HSD17B3: variants seen among roughly 807,000 people sequenced by gnomAD.
HSD17B3 encodes 17-beta-hydroxysteroid dehydrogenase type 3.
In HSD17B3, 29 loss-of-function variants were observed where a neutral mutation model predicts 41.1. The observed-to-expected ratio is 0.71, with a 90% confidence interval of 0.53 to 0.96. HSD17B3 has a LOEUF of 0.96. HSD17B3 is among the 40% of genes least tolerant of loss of function. HSD17B3 has a pLI of 0.00. For synonymous variants in HSD17B3, 126 were observed against 145.6 expected, an observed-to-expected ratio of 0.87 and a Z score of 0.97; for missense variants, 323 against 374.6, an observed-to-expected ratio of 0.86 and a Z score of 1.14.
intron 4 of HSD17B3, among the ~76,000 whole-genome samples, chr9:96,252,556 A>G (rs1475657827): frequency 6.6e-6 from 1 of 151,898 alleles, no homozygotes; most frequent in East Asian, 1.9e-4. Context: ...AAAAAAAAAA[A>G]AAGAAAAGAA....
chr9:96,259,554 C>T (rs1305159504), intron 2 of HSD17B3, among the ~76,000 whole-genome samples: 1 of 152,102 alleles, frequency 6.6e-6, no homozygotes, highest in African/African-American at 2.4e-5. Context: ...AAGCCTGTCT[C>T]TACTAAAAAT....
intron 2 of HSD17B3, among the ~76,000 whole-genome samples, chr9:96,268,513 C>A (rs1292662360): frequency 6.6e-6 from 1 of 152,056 alleles, no homozygotes; most frequent in Non-Finnish European, 1.5e-5. Context: ...AGTGGTCCCA[C>A]AAAGAACACT....
intron 5 of HSD17B3, chr9:96,251,199 G>A (rs1035690071): frequency 5.1e-6 from 3 of 593,742 alleles, no homozygotes; most frequent in Non-Finnish European, 9.0e-6. Flanking sequence ...TGCAGAGAAG[G>A]AGGAAGATGT....
intron 2 of HSD17B3, among the ~76,000 whole-genome samples, chr9:96,265,566 G>C (rs1587746929): frequency 6.6e-6 from 1 of 152,140 alleles, no homozygotes; most frequent in East Asian, 1.9e-4. Context: ...AATATCAAAA[G>C]AAGTTTTAAG....
intron 2 of HSD17B3, among the ~76,000 whole-genome samples, chr9:96,273,745 T>C (rs1418655890): frequency 6.6e-6 from 1 of 152,176 alleles, no homozygotes; most frequent in Non-Finnish European, 1.5e-5. Flanking sequence ...GCATCCGCCT[T>C]CACTACCAAG....
chr9:96,257,329 T>G (rs959366610), intron 2 of HSD17B3, among the ~76,000 whole-genome samples: 1 of 152,172 alleles, frequency 6.6e-6, no homozygotes, highest in Middle Eastern at 3.2e-3. Context: ...ACATCCTCAT[T>G]GTAGAAGATT....
chr9:96,273,017 T>C (rs1219728775), intron 2 of HSD17B3, among the ~76,000 whole-genome samples: 1 of 152,158 alleles, frequency 6.6e-6, no homozygotes, highest in Non-Finnish European at 1.5e-5. Context: ...GTGACAAAAT[T>C]ATAGCAATAG....
At chr9:96,240,721 C>A in intron 10 of HSD17B3, 37 bp downstream of exon 10, 1 of 1,612,614 alleles carries the variant, frequency 6.2e-7, no homozygotes, top group Non-Finnish European at 8.5e-7. Flanking sequence ...CGTGTCCTCC[C>A]TCCCTGGCTT....
intron 2 of HSD17B3, among the ~76,000 whole-genome samples, chr9:96,267,900 C>T (rs1826098370): frequency 6.6e-6 from 1 of 151,848 alleles, no homozygotes; most frequent in Non-Finnish European, 1.5e-5. Flanking sequence ...CACAGCCTTC[C>T]CCCTCCATAT....
intron 10 of HSD17B3, among the ~76,000 whole-genome samples, chr9:96,240,118 T>A (rs768267801): frequency 5.3e-5 from 8 of 152,090 alleles, no homozygotes; most frequent in South Asian, 2.1e-4. Context: ...AAATACCTAG[T>A]GCAAGCAGGG....
intron 6 of HSD17B3, 82 bp downstream of exon 6, chr9:96,249,669 G>T: frequency 8.0e-7 from 1 of 1,247,104 alleles, no homozygotes; most frequent in Non-Finnish European, 1.2e-6. Flanking sequence ...TGCTTCTACA[G>T]TGGATGGGCA....
chr9:96,285,775 G>A (rs1373158267), intron 2 of HSD17B3, among the ~76,000 whole-genome samples: 1 of 152,120 alleles, frequency 6.6e-6, no homozygotes, highest in Non-Finnish European at 1.5e-5. Flanking sequence ...GACCCTAATA[G>A]TTAAGCAGGA....
chr9:96,244,369 G>A lies in HSD17B3; in HGVS notation c.632C>T (p.Ala211Val). The A allele has an allele frequency of 6.2e-7, 1 of 1,614,110 alleles. No homozygotes were observed. The highest frequency in any genetic ancestry group is 8.5e-7 in the Non-Finnish European group (1 of 1,180,026). Residue 211 changes from alanine to valine, a missense_variant, in exon 9 of 11, where the codon GCC becomes GTC. Transcript: ENST00000375263. Reference protein sequence around the residue: ...SKAFVCAFSKALQEEYKAKEV... With the variant: ...SKAFVCAFSKVLQEEYKAKEV... ...TTTTGCTTTATATTCCTCTTGCAGG[G>A]CCTTGGAAAATGCGCACACAAACGC...
chr9:96,298,027 T>C (rs750220332), intron 2 of HSD17B3, among the ~76,000 whole-genome samples: 1 of 152,206 alleles, frequency 6.6e-6, no homozygotes, highest in Non-Finnish European at 1.5e-5. Flanking sequence ...TGATAATATG[T>C]TTTGCCTAAG....
intron 2 of HSD17B3, among the ~76,000 whole-genome samples, chr9:96,289,520 G>A (rs1235766946): frequency 6.6e-6 from 1 of 152,074 alleles, no homozygotes. Flanking sequence ...TCAACAGGAT[G>A]GCTAAAGAAT....
intron 4 of HSD17B3, 106 bp from the exon 5 acceptor site, chr9:96,251,591 T>C (rs2130728033): frequency 9.6e-7 from 1 of 1,043,438 alleles, no homozygotes; most frequent in African/African-American, 1.6e-5. Context: ...CATCGCAGCA[T>C]GATTTGGTAA....
chr9:96,292,001 A>G (rs1297527966), intron 2 of HSD17B3, among the ~76,000 whole-genome samples: 1 of 152,144 alleles, frequency 6.6e-6, no homozygotes, highest in Non-Finnish European at 1.5e-5. Flanking sequence ...TAAACACACA[A>G]AACAAATGGC....
At chr9:96,236,322 G>C (rs1223520408) in intron 10 of HSD17B3, among the ~76,000 whole-genome samples, 1 of 151,462 alleles carries the variant, frequency 6.6e-6, no homozygotes, top group Non-Finnish European at 1.5e-5. Flanking sequence ...TTTGAGACCA[G>C]CCTGGCCAAC....
At chr9:96,252,718 C>T in intron 4 of HSD17B3, 85 bp downstream of exon 4, 1 of 809,952 alleles carries the variant, frequency 1.2e-6, no homozygotes, top group East Asian at 2.4e-5. Context: ...TATAAATCAC[C>T]ATGAAATAAT....
Sources: allele counts gnomAD v4.1 joint callset (sites outside exome capture counted in the v4.1 genomes callset), GRCh38; gene constraint gnomAD v4.1.1; transcripts MANE v1.5; gene names NCBI Gene and HGNC (gene_info 2026-07-23, HGNC 2026-07-21).